Variants in CNTNAP3B observed in about 807,000 individuals in gnomAD.
CNTNAP3B encodes contactin associated protein family member 3B.
In CNTNAP3B, 25 loss-of-function variants were observed where a neutral mutation model predicts 108.9. The observed-to-expected ratio is 0.23, with a 90% CI of 0.17 to 0.32. CNTNAP3B has a LOEUF of 0.32. Ranked by LOEUF, CNTNAP3B falls within the 10% of genes least tolerant of loss-of-function variation. The pLI, the probability that CNTNAP3B is intolerant of heterozygous loss-of-function variation, is 1.00. For missense variants in CNTNAP3B, 252 were observed against 1,210.4 expected (o/e 0.21, Z 11.75); for synonymous variants, 103 against 473.4 (o/e 0.22, Z 10.16).
chr9:41,925,378 G>A (rs1027408498), intron 15 of CNTNAP3B, among the ~76,000 whole-genome samples: 9 of 152,194 alleles, frequency 5.9e-5, no homozygotes, highest in Non-Finnish European at 1.0e-4. Flanking sequence ...CGGATCATGA[G>A]GTCAGGAGAT....
intron 11 of CNTNAP3B, among the ~76,000 whole-genome samples, chr9:41,961,987 A>G (rs1825109577): frequency 1.3e-5 from 2 of 152,418 alleles, no homozygotes; most frequent in South Asian, 2.1e-4. Flanking sequence ...TAATAACAAT[A>G]CTTAAATATA....
At chr9:42,038,686 T>TTA (rs1399105260) in intron 3 of CNTNAP3B, among the ~76,000 whole-genome samples, 1 of 89,838 alleles carries the variant, frequency 1.1e-5, no homozygotes, top group Non-Finnish European at 2.2e-5. Flanking sequence ...ATGGGAGACT[T>TTA]TAACACACCA....
rs1814800029 is a variant in CNTNAP3B, at chr9:42,097,889, A to G, written c.196+6740T>C. Among the ~76,000 whole-genome samples the G allele has an allele frequency of 1.4e-5, 2 of 138,832 alleles. 1 individual carries two copies. Among genetic ancestry groups the G allele is most frequent in the African/African-American group, 5.7e-5 (2 of 34,888 alleles). The allele number at this position is 138,832 out of a possible 152,430, so 91.1% of individuals were successfully genotyped here. On this transcript the variant is annotated intron_variant, in intron 2 of 23. Transcript: ENST00000377561. Reference sequence around the variant, plus strand: ...TTATTTAATTAGGGAAAGCTTCAAAAGTTGAAGTCCAATCATGGGACTTTC... The same window carrying G: ...TTATTTAATTAGGGAAAGCTTCAAAGGTTGAAGTCCAATCATGGGACTTTC...
Position 42,129,195 on chromosome 9 carries a change from C to T in CNTNAP3B, c.-101G>A, listed in dbSNP as rs1828635641. 6.9e-7 allele frequency: 1 copy of T among 1,447,222 alleles called. No individual in the cohort carries two copies. Among genetic ancestry groups the T allele is most frequent in the Non-Finnish European group, 9.2e-7 (1 of 1,084,284 alleles). The allele number at this position is 1,447,222 out of a possible 1,614,324, so 89.6% of individuals were successfully genotyped here. On this transcript the variant is annotated 5_prime_UTR_variant, in exon 1 of 24. Transcript: ENST00000377561. ...TCTCACTCCCGTCCCCTGCGCGGCT[C>T]CGACGCTGCTCTGTCTCCCCTGTCC...
chr9:42,030,810 AGAG>A (rs1826508789), intron 3 of CNTNAP3B, among the ~76,000 whole-genome samples: 2 of 79,828 alleles, frequency 2.5e-5, no homozygotes, highest in African/African-American at 1.0e-4. Flanking sequence ...AGAGAGAGAG[AGAG>A]GAGAGAGAGA....
intron 3 of CNTNAP3B, among the ~76,000 whole-genome samples, chr9:42,061,181 T>C (rs1438419184): frequency 3.5e-5 from 2 of 57,628 alleles, no homozygotes; most frequent in Non-Finnish European, 6.8e-5. Flanking sequence ...CTGTATCCCA[T>C]GTGTCTTGAT....
chr9:42,126,910 C>T (rs1236535864), intron 1 of CNTNAP3B, among the ~76,000 whole-genome samples: 1 of 138,464 alleles, frequency 7.2e-6, no homozygotes. Context: ...ATGCCATCAT[C>T]AACAGGCTGC....
intron 13 of CNTNAP3B, among the ~76,000 whole-genome samples, chr9:41,942,148 G>C (rs1303413578): frequency 2.0e-4 from 30 of 152,258 alleles, no homozygotes; most frequent in Admixed American, 2.0e-3. Context: ...CAGGAAGACA[G>C]GTTCTCTAAA....
intron 3 of CNTNAP3B, among the ~76,000 whole-genome samples, chr9:42,053,895 C>A (rs1827005956): frequency 6.8e-6 from 1 of 148,098 alleles, no homozygotes. Flanking sequence ...CAAGGTTTAC[C>A]CAGCACACCC....
At chr9:42,062,540 G>T (rs1827196149) in intron 3 of CNTNAP3B, among the ~76,000 whole-genome samples, 1 of 100,574 alleles carries the variant, frequency 9.9e-6, no homozygotes, top group Non-Finnish European at 2.0e-5. Flanking sequence ...ACAGAGCTGG[G>T]TCTGGTTTTT....
chr9:41,967,316 A>G (rs1825310466), intron 10 of CNTNAP3B, among the ~76,000 whole-genome samples: 1 of 152,256 alleles, frequency 6.6e-6, no homozygotes, highest in Non-Finnish European at 1.5e-5. Context: ...AATAAGTCTC[A>G]CGAGATCTGA....
At chr9:41,952,964 C>A (rs1183885217) in intron 13 of CNTNAP3B, among the ~76,000 whole-genome samples, 1 of 152,200 alleles carries the variant, frequency 6.6e-6, no homozygotes, top group African/African-American at 2.4e-5. Context: ...GTCACTAGTC[C>A]TGCATATGAA....
In CNTNAP3B at chr9:41,924,105, A is replaced by G. The variant is rs1467490810; in HGVS notation, c.2366-12T>C. The G allele has an allele frequency of 1.2e-6, 2 of 1,611,778 alleles. No homozygotes were observed. The highest frequency in any genetic ancestry group is 2.7e-5 in the African/African-American group (2 of 74,846). On this transcript the variant is annotated splice_polypyrimidine_tract_variant and intron_variant, in intron 15 of 23. Coordinates refer to ENST00000377561, the MANE Select transcript of CNTNAP3B (RefSeq NM_001201380.3). ...ATTCCAAAATGACTCTGTTTACAAT[A>G]GAGAAAACGACAAAAGGAAAAAAAG...
At position 42,047,393 on chromosome 9, in the gene CNTNAP3B, A is replaced by G. The variant is rs1313668156; in HGVS notation, c.390+29476T>C. On this transcript the variant is annotated intron_variant, in intron 3 of 23. Coordinates refer to ENST00000377561, the MANE Select transcript of CNTNAP3B (RefSeq NM_001201380.3). Reference sequence around the variant, plus strand: ...TTACTAAAGCTAAAATCAGGAGGAAAAAAGCAGAAAGCAAAACCAAAGCAA... The same window carrying G: ...TTACTAAAGCTAAAATCAGGAGGAAGAAAGCAGAAAGCAAAACCAAAGCAA... Among the ~76,000 whole-genome samples, 6 of 133,670 alleles carry G rather than the reference A, an allele frequency of 4.5e-5. 1 individual carries two copies. The South Asian group carries it at 1.5e-3, about 33-fold the overall frequency. 87.7% of individuals were successfully genotyped at this position (133,670 alleles called of 152,430 possible).
At position 42,107,088 on chromosome 9, in the gene CNTNAP3B, C is replaced by A. The variant is rs1194289447; in HGVS notation, c.86-2349G>T. Among the ~76,000 whole-genome samples the A allele has an allele frequency of 2.2e-5, 2 of 90,030 alleles. 1 individual carries two copies. The highest frequency in any genetic ancestry group is 4.6e-5 in the Non-Finnish European group (2 of 43,596). 59.1% of individuals were successfully genotyped at this position (90,030 alleles called of 152,430 possible). A position where few individuals can be genotyped will look rare whatever the true frequency, so the allele number is the denominator to read the frequency against. On this transcript the variant is annotated intron_variant, in intron 1 of 23. Transcript: ENST00000377561. ...GTATCATGCGATACATGAAACAGCA[C>A]TGGGCATTTCACGTGTCCCTGGGAT...
At position 41,953,403 on chromosome 9, in the gene CNTNAP3B, A is replaced by G; in HGVS notation, c.1877-17T>C. 2 of 1,532,092 alleles carry G rather than the reference A, an allele frequency of 1.3e-6. No homozygotes were observed. Among genetic ancestry groups the G allele is most frequent in the Non-Finnish European group, 8.8e-7 (1 of 1,137,864 alleles). 94.9% of individuals were successfully genotyped at this position (1,532,092 alleles called of 1,614,324 possible). A position where few individuals can be genotyped will look rare whatever the true frequency, so the allele number is the denominator to read the frequency against. ...CGGAGTCTGCTGAGCAGAAACGGGC[A>G]AAGGAGAGGCATCACTGGGCGGCAG... On this transcript the variant is annotated splice_polypyrimidine_tract_variant and intron_variant, in intron 12 of 23. Transcript: ENST00000377561.
intron 13 of CNTNAP3B, among the ~76,000 whole-genome samples, chr9:41,939,609 A>G (rs1331051895): frequency 1.3e-5 from 2 of 152,304 alleles, no homozygotes; most frequent in Non-Finnish European, 2.9e-5. Context: ...CGTAAAAGAT[A>G]TTTTTAAAAA....
At chr9:41,940,160 G>T (rs1824290905) in intron 13 of CNTNAP3B, among the ~76,000 whole-genome samples, 1 of 152,410 alleles carries the variant, frequency 6.6e-6, no homozygotes, top group Admixed American at 6.5e-5. Flanking sequence ...CAAAAAGAGA[G>T]AACAAAGTGT....
At chr9:41,962,716 G>T (rs1272373774) in intron 11 of CNTNAP3B, among the ~76,000 whole-genome samples, 3 of 149,560 alleles carry the variant, frequency 2.0e-5, no homozygotes, top group Non-Finnish European at 3.0e-5. Flanking sequence ...AGCGCTTCGG[G>T]AGTCCAAGGC....
Sources: allele counts gnomAD v4.1 joint callset (sites outside exome capture counted in the v4.1 genomes callset), GRCh38; gene constraint gnomAD v4.1.1; transcripts MANE v1.5; gene names NCBI Gene and HGNC (gene_info 2026-07-23, HGNC 2026-07-21).